DPP10: variants seen among roughly 807,000 people sequenced by gnomAD.
The protein encoded by DPP10 is dipeptidyl peptidase like 10, also known as inactive dipeptidyl peptidase 10.
Under a neutral mutation model 120.9 loss-of-function variants are expected in DPP10, and 33 were observed. That is an observed-to-expected ratio of 0.27 (90% confidence interval 0.21 to 0.37). DPP10 has a LOEUF of 0.37. DPP10 is among the 10% of genes least tolerant of loss of function. The probability of loss-of-function intolerance (pLI) is 1.00; values close to 1 mark genes in which losing one functional copy is unlikely to be tolerated. For synonymous variants in DPP10, 337 were observed against 326.1 expected, an observed-to-expected ratio of 1.03 and a Z score of -0.36; for missense variants, 816 against 942.8, an observed-to-expected ratio of 0.87 and a Z score of 1.76.
At chr2:115,307,640 G>A (rs1377321474) in intron 1 of DPP10, among the ~76,000 whole-genome samples, 1 of 152,036 alleles carries the variant, frequency 6.6e-6, no homozygotes, top group East Asian at 1.9e-4. Flanking sequence ...AGCCTCTCTC[G>A]TTCTGTCACT....
chr2:114,600,046 C>T (rs1193142649), intron 1 of DPP10, among the ~76,000 whole-genome samples: 2 of 151,276 alleles, frequency 1.3e-5, no homozygotes, highest in African/African-American at 2.4e-5. Context: ...CATTGAGCTT[C>T]CTCTAGGGAT....
intron 5 of DPP10, among the ~76,000 whole-genome samples, chr2:115,648,742 A>G (rs774047090): frequency 2.0e-5 from 3 of 152,162 alleles, no homozygotes; most frequent in African/African-American, 4.8e-5. Flanking sequence ...AGGTAGTGTG[A>G]ACCTCTTAAA....
At chr2:114,456,764 A>G (rs562967671) in intron 1 of DPP10, among the ~76,000 whole-genome samples, 19 of 152,360 alleles carry the variant, frequency 1.2e-4, no homozygotes, top group Non-Finnish European at 2.6e-4. Flanking sequence ...TTTTCCCAGT[A>G]ATTAAAATAG....
chr2:115,629,079 A>C (rs562163447), intron 5 of DPP10, among the ~76,000 whole-genome samples: 43 of 151,962 alleles, frequency 2.8e-4, no homozygotes, highest in East Asian at 9.7e-4. Context: ...GGTTTTCTGT[A>C]CTTGCGATAG....
chr2:114,810,400 C>T (rs1685080551), intron 1 of DPP10, among the ~76,000 whole-genome samples: 1 of 152,114 alleles, frequency 6.6e-6, no homozygotes, highest in Admixed American at 6.6e-5. Flanking sequence ...TTTCCAAGTG[C>T]CATCATGGGT....
intron 1 of DPP10, among the ~76,000 whole-genome samples, chr2:114,951,634 T>G (rs1462015602): frequency 6.6e-6 from 1 of 152,164 alleles, no homozygotes. Flanking sequence ...AATTAGAATT[T>G]TATTTTCACA....
intron 1 of DPP10, among the ~76,000 whole-genome samples, chr2:114,792,327 G>A (rs1330549679): frequency 1.3e-5 from 2 of 152,072 alleles, no homozygotes; most frequent in African/African-American, 4.8e-5. Context: ...TTATACATAA[G>A]GCACCCCTCT....
chr2:115,197,843 A>G (rs2055397707), intron 1 of DPP10, among the ~76,000 whole-genome samples: 1 of 152,218 alleles, frequency 6.6e-6, no homozygotes, highest in Non-Finnish European at 1.5e-5. Context: ...TCAGAATTTA[A>G]TTAGATAAAC....
At chr2:115,104,816 G>A (rs1206775394) in intron 1 of DPP10, among the ~76,000 whole-genome samples, 3 of 152,112 alleles carry the variant, frequency 2.0e-5, no homozygotes, top group African/African-American at 7.2e-5. Flanking sequence ...GACCATCCTG[G>A]CCAACATGGT....
intron 5 of DPP10, among the ~76,000 whole-genome samples, chr2:115,585,938 A>G (rs2082261825): frequency 6.6e-6 from 1 of 152,234 alleles, no homozygotes. Flanking sequence ...TTACAATCAC[A>G]TAATAATCCA....
chr2:115,753,906 G>A (rs1193656478), intron 11 of DPP10, among the ~76,000 whole-genome samples: 2 of 152,124 alleles, frequency 1.3e-5, no homozygotes, highest in African/African-American at 4.8e-5. Context: ...TGGTATTTGG[G>A]TAAAGCGTTT....
At chr2:115,676,108 A>G (rs899717971) in intron 5 of DPP10, among the ~76,000 whole-genome samples, 2 of 152,160 alleles carry the variant, frequency 1.3e-5, no homozygotes, top group African/African-American at 2.4e-5. Context: ...ATAACACCAC[A>G]ACCAGCAATT....
chr2:114,927,142 C>T (rs1245014672), intron 1 of DPP10, among the ~76,000 whole-genome samples: 1 of 152,036 alleles, frequency 6.6e-6, no homozygotes, highest in Non-Finnish European at 1.5e-5. Context: ...AGCCACCGCA[C>T]CTGGCCAGGG....
chr2:114,744,189 G>T (rs1464538497), intron 1 of DPP10, among the ~76,000 whole-genome samples: 1 of 152,180 alleles, frequency 6.6e-6, no homozygotes, highest in Non-Finnish European at 1.5e-5. Context: ...CAGATCTGAT[G>T]ATGGCATGCC....
intron 1 of DPP10, among the ~76,000 whole-genome samples, chr2:115,110,320 G>A (rs74647834): frequency 1.5e-3 from 233 of 152,192 alleles, no homozygotes; most frequent in African/African-American, 5.1e-3. Context: ...CTTAGTCTCC[G>A]TGTTTTAGTT....
At chr2:115,837,579 G>GTA (rs970800996) in intron 24 of DPP10, among the ~76,000 whole-genome samples, 45 of 152,218 alleles carry the variant, frequency 3.0e-4, no homozygotes, top group African/African-American at 9.6e-4. Flanking sequence ...TGCTTCAAGG[G>GTA]TACTATATGG....
chr2:115,463,591 G>A (rs2074121504), intron 3 of DPP10, among the ~76,000 whole-genome samples: 2 of 152,132 alleles, frequency 1.3e-5, no homozygotes, highest in Admixed American at 6.6e-5. Context: ...TACACAAAGT[G>A]TAATTTATTT....
chr2:114,571,150 A>C (rs1689612007), intron 1 of DPP10, among the ~76,000 whole-genome samples: 1 of 152,126 alleles, frequency 6.6e-6, no homozygotes. Context: ...GTTGAAGTGT[A>C]ATCTCCAGTG....
chr2:115,685,468 A>G (rs746719931), intron 5 of DPP10, among the ~76,000 whole-genome samples: 6 of 152,004 alleles, frequency 3.9e-5, no homozygotes, highest in Non-Finnish European at 7.4e-5. Flanking sequence ...TGTTGCACCG[A>G]ATGGAACATA....
Sources: allele counts gnomAD v4.1 joint callset (sites outside exome capture counted in the v4.1 genomes callset), GRCh38; gene constraint gnomAD v4.1.1; transcripts MANE v1.5; gene names NCBI Gene and HGNC (gene_info 2026-07-23, HGNC 2026-07-21).